The following NOX3 variants were observed in gnomAD, a reference collection of about 807,000 sequenced individuals.
The protein encoded by NOX3 is NADPH oxidase 3, also known as NADPH oxidase catalytic subunit-like 3.
NOX3 carries 74 observed loss-of-function variants against 76.7 expected under a neutral mutation model. The ratio of observed to expected loss-of-function variants is 0.96; its 90% CI spans 0.80 to 1.17. The LOEUF (loss-of-function observed/expected upper bound fraction) is 1.17, where lower values mean the gene tolerates loss of function less well. Ranked by LOEUF, NOX3 falls within the 50% of genes most tolerant of loss-of-function variation. The pLI, the probability that NOX3 is intolerant of heterozygous loss-of-function variation, is 0.00. For missense variants in NOX3, 695 were observed against 703.3 expected, an observed-to-expected ratio of 0.99 and a Z score of 0.13; for synonymous variants, 263 against 261.1, an observed-to-expected ratio of 1.01 and a Z score of -0.07.
intron 10 of NOX3, among the ~76,000 whole-genome samples, chr6:155,413,493 G>A (rs1449442725): frequency 6.6e-6 from 1 of 152,016 alleles, no homozygotes; most frequent in Non-Finnish European, 1.5e-5. Context: ...CTGCTGTATT[G>A]AGAATAGACC....
At chr6:155,434,873 C>G (rs966344093) in intron 7 of NOX3, among the ~76,000 whole-genome samples, 1 of 152,060 alleles carries the variant, frequency 6.6e-6, no homozygotes, top group African/African-American at 2.4e-5. Flanking sequence ...AACAGTGAAC[C>G]GCTGAAGGAG....
chr6:155,405,545 A>G (rs527827380), intron 12 of NOX3, among the ~76,000 whole-genome samples: 7 of 152,214 alleles, frequency 4.6e-5, no homozygotes, highest in African/African-American at 1.7e-4. Flanking sequence ...CCACTCCAAA[A>G]TTCCACGTGG....
intron 12 of NOX3, among the ~76,000 whole-genome samples, chr6:155,398,644 C>T (rs1779172333): frequency 6.6e-6 from 1 of 152,160 alleles, no homozygotes; most frequent in African/African-American, 2.4e-5. Flanking sequence ...AGTAATTTTT[C>T]AGAAAATATT....
At chr6:155,396,567 A>T (rs1178377180) in intron 13 of NOX3, among the ~76,000 whole-genome samples, 1 of 152,230 alleles carries the variant, frequency 6.6e-6, no homozygotes, top group Non-Finnish European at 1.5e-5. Flanking sequence ...ATGTTTAAAA[A>T]TTTCATGTTA....
rs188133449 is a variant in NOX3, at chr6:155,454,870, T to A, written c.196A>T (p.Met66Leu). ...CGACTGACAGGTATTAGAATTAGCATGCAGTTAAAATTCAGGCACAGTGCG... is the reference window on the plus strand; with the variant it reads ...CGACTGACAGGTATTAGAATTAGCAAGCAGTTAAAATTCAGGCACAGTGCG... ...ASALCLNFNC[M>L]LILIPVSRNL... Residue 66 changes from methionine (M) to leucine (L), a missense_variant, in exon 3 of 14, where the codon ATG (methionine) becomes TTG (leucine). Coordinates refer to ENST00000159060, the MANE Select transcript of NOX3 (RefSeq NM_015718.3). 3.7e-6 allele frequency: 6 copies of A among 1,610,634 alleles called. No homozygotes were observed. The Middle Eastern group carries it at 5.0e-4, about 133-fold the overall frequency.
intron 12 of NOX3, among the ~76,000 whole-genome samples, chr6:155,398,264 G>T (rs1041061241): frequency 6.6e-6 from 1 of 151,174 alleles, no homozygotes; most frequent in Non-Finnish European, 1.5e-5. Context: ...GAGGATCTCG[G>T]GTGGTGTTGA....
At chr6:155,428,063 G>A (rs1247713705) in intron 9 of NOX3, among the ~76,000 whole-genome samples, 1 of 133,490 alleles carries the variant, frequency 7.5e-6, no homozygotes, top group Non-Finnish European at 1.7e-5. Context: ...ACCACACCCG[G>A]CTAATTTTTG....
At position 155,453,319 on chromosome 6, in the gene NOX3, A is replaced by G. The variant is rs926298003; in HGVS notation, c.340+85T>C. On this transcript the variant is annotated intron_variant, in intron 4 of 13. Transcript: ENST00000159060. ...AAGTTTTCTTTTACCTGAGGGTGAG[A>G]CTTGGGGAAGGCAGAGTTAAAACAA... 3.9e-6 allele frequency: 4 copies of G among 1,031,388 alleles called. No homozygotes were observed. In the African/African-American group the frequency reaches 4.7e-5, roughly 12 times the overall value. 63.9% of individuals were successfully genotyped at this position (1,031,388 alleles called of 1,614,324 possible). A position where few individuals can be genotyped will look rare whatever the true frequency, so the allele number is the denominator to read the frequency against.
intron 12 of NOX3, among the ~76,000 whole-genome samples, chr6:155,402,972 G>C (rs962142548): frequency 3.9e-5 from 6 of 152,196 alleles, no homozygotes; most frequent in South Asian, 2.1e-4. Context: ...AGCCAGGCAG[G>C]CTTGGGAACA....
intron 6 of NOX3, among the ~76,000 whole-genome samples, chr6:155,439,552 C>T (rs1439553640): frequency 6.6e-6 from 1 of 152,094 alleles, no homozygotes; most frequent in Non-Finnish European, 1.5e-5. Flanking sequence ...TGTCCCTGCC[C>T]GAACAGTGGG....
At chr6:155,455,704 G>C (rs1276419901) in intron 1 of NOX3, 49 bp downstream of exon 1, 3 of 1,443,626 alleles carry the variant, frequency 2.1e-6, no homozygotes, top group Non-Finnish European at 2.9e-6. Context: ...AAAAATCAAA[G>C]ACTATTCAAT....
rs1180444829 is a variant in NOX3, at chr6:155,455,722, T to C, written c.48+31A>G. 5.2e-6 allele frequency: 8 copies of C among 1,552,554 alleles called. No individual in the cohort carries two copies. The Admixed American group carries it at 1.2e-4, about 23-fold the overall frequency. On this transcript the variant is annotated intron_variant, in intron 1 of 13. Transcript: ENST00000159060. Reference sequence around the variant, plus strand: ...AATCAAAGACTATTCAATCTATATATTTAAAGTTGAATAACAAAAATGATA... The same window carrying C: ...AATCAAAGACTATTCAATCTATATACTTAAAGTTGAATAACAAAAATGATA...
At chr6:155,425,608 C>T (rs1776745969) in intron 9 of NOX3, among the ~76,000 whole-genome samples, 1 of 152,164 alleles carries the variant, frequency 6.6e-6, no homozygotes, top group African/African-American at 2.4e-5. Flanking sequence ...TGAGCACTTA[C>T]CGTGTGCTAA....
In NOX3 at chr6:155,440,009, G is replaced by A. The variant is rs201160522; in HGVS notation, c.615C>T (p.Tyr205=). 2.0e-5 allele frequency: 33 copies of A among 1,613,928 alleles called. No individual in the cohort carries two copies. Among genetic ancestry groups the A allele is most frequent in the Non-Finnish European group, 2.6e-5 (31 of 1,179,980 alleles). ...AGAAGACGATGAAAACATGGTGTGT[G>A]TACCAGAACAACTCATAGGAGGCCT... The part of the protein sequence containing the change: ...IRQASYELFW[Y]THHVFIVFFL... Residue 205 remains tyrosine, a synonymous_variant, in exon 6 of 14, where the codon TAC becomes TAT. Coordinates refer to ENST00000159060, the MANE Select transcript of NOX3 (RefSeq NM_015718.3).
chr6:155,437,148 C>G (rs138079029), intron 6 of NOX3, among the ~76,000 whole-genome samples: 1 of 152,096 alleles, frequency 6.6e-6, no homozygotes, highest in Non-Finnish European at 1.5e-5. Context: ...TCCTAATGAC[C>G]GGAGCACTGG....
In NOX3 at chr6:155,396,867, A is replaced by G. The variant is rs913828521; in HGVS notation, c.1676T>C (p.Val559Ala). Residue 559 changes from valine to alanine, a missense_variant, in exon 13 of 14, where the codon GTT (valine) becomes GCT (alanine). By Grantham distance (64) the Val-to-Ala change is moderately conservative. Transcript: ENST00000159060. ...HLYSSADPRG[V>A]HFYYNKESF ...GCTCTCCTTGTTGTAATAGAAATGA[A>G]CACCTCTGGGGTCAGCTGATGAATA... The G allele has an allele frequency of 1.2e-6, 2 of 1,612,380 alleles. No homozygotes were observed. The highest frequency in any genetic ancestry group is 1.7e-5 in the Admixed American group (1 of 59,870).
Position 155,428,784 on chromosome 6 carries a change from G to A in NOX3, c.1145+10C>T, listed in dbSNP as rs1377551629. ...ACTGCAATTTATACATGAGAGAAATGGGCACGAACCTTGGCAGGCTCCAGG... is the reference window on the plus strand; with the variant it reads ...ACTGCAATTTATACATGAGAGAAATAGGCACGAACCTTGGCAGGCTCCAGG... On this transcript the variant is annotated intron_variant, in intron 9 of 13. Transcript: ENST00000159060. The A allele has an allele frequency of 4.8e-6, 7 of 1,473,342 alleles. No homozygotes were observed. The African/African-American group carries it at 7.1e-5, about 15-fold the overall frequency. 91.3% of individuals were successfully genotyped at this position (1,473,342 alleles called of 1,614,324 possible).
chr6:155,450,567 T>C (rs1777120840), intron 4 of NOX3, among the ~76,000 whole-genome samples: 1 of 152,066 alleles, frequency 6.6e-6, no homozygotes, highest in Non-Finnish European at 1.5e-5. Flanking sequence ...GATCAGCTTC[T>C]GGGGAATGAA....
chr6:155,408,233 G>A (rs760294229), intron 11 of NOX3, among the ~76,000 whole-genome samples: 16 of 152,076 alleles, frequency 1.1e-4, no homozygotes, highest in Admixed American at 4.6e-4. Flanking sequence ...TGATCCACCC[G>A]CCTTGGCCTC....
Sources: allele counts gnomAD v4.1 joint callset (sites outside exome capture counted in the v4.1 genomes callset), GRCh38; gene constraint gnomAD v4.1.1; transcripts MANE v1.5; gene names NCBI Gene and HGNC (gene_info 2026-07-23, HGNC 2026-07-21).